Variants in ZBP1 observed in about 807,000 individuals in gnomAD.
ZBP1 encodes the protein Z-DNA-binding protein 1.
Under a neutral mutation model 41.1 loss-of-function variants are expected in ZBP1, and 42 were observed. The observed-to-expected ratio is 1.02, with a 90% CI of 0.80 to 1.32. The LOEUF (loss-of-function observed/expected upper bound fraction) is 1.32. Among genes scored for constraint, ZBP1 ranks in the 40% most tolerant of loss-of-function variants. ZBP1 has a pLI of 0.00. For synonymous variants in ZBP1, 214 were observed against 205.2 expected (o/e 1.04, Z -0.37); for missense variants, 562 against 549.7 (o/e 1.02, Z -0.22).
intron 2 of ZBP1, 47 bp downstream of exon 2, chr20:57,616,197 G>C (rs2070819648): frequency 1.3e-6 from 2 of 1,569,404 alleles, no homozygotes; most frequent in Non-Finnish European, 1.8e-6. Context: ...TCCATTGCCA[G>C]GATGCTCCCT....
At chr20:57,620,182 C>T (rs912416470) in intron 1 of ZBP1, 80 bp downstream of exon 1, 1 of 1,502,776 alleles carries the variant, frequency 6.7e-7, no homozygotes, top group Non-Finnish European at 9.1e-7. Flanking sequence ...TGATCTGGAC[C>T]AAGCGAAACA....
At position 57,610,257 on chromosome 20, in the gene ZBP1, G is replaced by A. The variant is rs1270822153; in HGVS notation, c.985C>T (p.Leu329Phe). Residue 329 changes from leucine (L) to phenylalanine (F), a missense_variant, in exon 7 of 8, where the codon CTC (leucine) becomes TTC (phenylalanine). Leu to Phe is a conservative substitution (Grantham distance 22). Coordinates refer to ENST00000371173, the MANE Select transcript of ZBP1 (RefSeq NM_030776.3). This position sits in a 1 kb window ranked among gnomAD's most constrained non-coding sequence, Gnocchi z 5.5. Reference protein sequence around the residue: ...AQRIHMKSCFLEDATIGNSNK... With the variant: ...AQRIHMKSCFFEDATIGNSNK... ...CTGTTGCCGATGGTGGCGTCCTCGA[G>A]AAAGCACGATTTCATGTGGATTCTC... 4.3e-6 allele frequency: 7 copies of A among 1,614,084 alleles called. No homozygotes were observed. Among genetic ancestry groups the A allele is most frequent in the Non-Finnish European group, 5.1e-6 (6 of 1,180,034 alleles).
At chr20:57,608,635 C>T (rs2070557786) in intron 7 of ZBP1, among the ~76,000 whole-genome samples, 1 of 152,252 alleles carries the variant, frequency 6.6e-6, no homozygotes, top group African/African-American at 2.4e-5. Context: ...TCCATGCTCC[C>T]AGATGCTCAT....
chr20:57,605,985 A>T (rs113110915), intron 7 of ZBP1, among the ~76,000 whole-genome samples: 1 of 152,168 alleles, frequency 6.6e-6, no homozygotes, highest in Non-Finnish European at 1.5e-5. Flanking sequence ...TCTATGTGCT[A>T]AAGTGAAAGG....
Position 57,614,922 on chromosome 20 carries a change from TC to T in ZBP1, c.466del (p.Asp156MetfsTer33), listed in dbSNP as rs1454397457. The T allele has an allele frequency of 6.2e-7, 1 of 1,614,090 alleles. No individual in the cohort carries two copies. The highest frequency in any genetic ancestry group is 8.5e-7 in the Non-Finnish European group (1 of 1,180,046). ...AATCGTCCATGCTTTGGACTGCTCA[TC>T]CATGTCCAGAAGGTGCCTGCTCTTC... The part of the protein sequence containing the change: ...RMKSRHLLDM[D>X]EQSKAWTIYR... On this transcript the variant is annotated frameshift_variant, in exon 4 of 8. Transcript: ENST00000371173. LOFTEE classifies it high-confidence loss of function.
rs1227359316 is a variant in ZBP1 at position 57,613,992 on chromosome 20, A to G, written c.503-662T>C. ...CCCCATACACAAATATTTAAATTAC[A>G]TTGTATAGCAAGGATAACCCAGGCT... On this transcript the variant is annotated intron_variant, in intron 4 of 7. Transcript: ENST00000371173. This position sits in a 1 kb window ranked among gnomAD's most constrained non-coding sequence, Gnocchi z 4.5. Among the ~76,000 whole-genome samples the G allele has an allele frequency of 6.6e-6, 1 of 152,132 alleles. No homozygotes were observed. The highest frequency in any genetic ancestry group is 2.4e-5 in the African/African-American group (1 of 41,424).
Position 57,613,343 on chromosome 20 carries a change from A to T in ZBP1, c.503-13T>A. ...CTTCCAGAATCTTCTGCAAAATAAT[A>T]TTCAACTGTATCCCTTTGCCACTGT... On this transcript the variant is annotated splice_polypyrimidine_tract_variant and intron_variant, in intron 4 of 7. Transcript: ENST00000371173. This position sits in a 1 kb window ranked among gnomAD's most constrained non-coding sequence, Gnocchi z 4.5. 2 of 1,610,164 alleles carry T rather than the reference A, an allele frequency of 1.2e-6. No homozygotes were observed. The highest frequency in any genetic ancestry group is 1.7e-6 in the Non-Finnish European group (2 of 1,179,688).
At chr20:57,608,240 G>A (rs981362818) in intron 7 of ZBP1, among the ~76,000 whole-genome samples, 3 of 152,036 alleles carry the variant, frequency 2.0e-5, no homozygotes, top group African/African-American at 4.8e-5. Flanking sequence ...TCCTGCCTCA[G>A]CCTCCTGAGT....
At position 57,611,888 on chromosome 20, in the gene ZBP1, T is replaced by C. The variant is rs1363153312; in HGVS notation, c.713A>G (p.Asp238Gly). The change falls in exon 6 of 8, where the codon GAT becomes GGT. Residue 238 changes from aspartate to glycine, a missense_variant. By Grantham distance (94) the Asp-to-Gly change is moderately conservative (BLOSUM62 -1). Coordinates refer to ENST00000371173, the MANE Select transcript of ZBP1 (RefSeq NM_030776.3). ...AACTAGGGTCCCCCAAGTTGAGGAA[T>C]CACCTGGTGCCATTGAAGGGAGGTG... The part of the protein sequence containing the change: ...PRHLPSMAPG[D>G]SSTWGTLVDP... 2 of 1,573,360 alleles carry C rather than the reference T, an allele frequency of 1.3e-6. No individual in the cohort carries two copies. The highest frequency in any genetic ancestry group is 3.7e-5 in the Admixed American group (2 of 53,382).
At chr20:57,608,474 C>T (rs1486230631) in intron 7 of ZBP1, among the ~76,000 whole-genome samples, 3 of 152,202 alleles carry the variant, frequency 2.0e-5, no homozygotes, top group Admixed American at 2.0e-4. Flanking sequence ...AAAGAGAAGT[C>T]TTCAATGGTC....
intron 1 of ZBP1, 48 bp from the exon 2 acceptor site, chr20:57,616,516 C>T: frequency 6.2e-7 from 1 of 1,602,796 alleles, no homozygotes. Flanking sequence ...TCTCCCAGGT[C>T]CCCACAGTTG....
At position 57,616,026 on chromosome 20, in the gene ZBP1, G is replaced by A. The variant is rs1182413818; in HGVS notation, c.259+218C>T. ...CAGAGTACCTCCTGTGTGCAGGGCT[G>A]GGCTGAGCCTGACGCAGGGCCTCCT... is the stretch of plus-strand genomic sequence containing the variant. On this transcript the variant is annotated intron_variant, in intron 2 of 7. Coordinates refer to ENST00000371173, the MANE Select transcript of ZBP1 (RefSeq NM_030776.3). The A allele has an allele frequency of 5.0e-6, 3 of 601,914 alleles. No homozygotes were observed. In the East Asian group the frequency reaches 8.3e-5, roughly 17 times the overall value. 37.3% of individuals were successfully genotyped at this position (601,914 alleles called of 1,614,324 possible).
Position 57,618,707 on chromosome 20 carries a change from A to G in ZBP1, c.34+1555T>C, listed in dbSNP as rs144937708. 2.4e-3 allele frequency among the ~76,000 whole-genome samples: 361 copies of G among 152,194 alleles called. 4 individuals carry two copies. Among genetic ancestry groups the G allele is most frequent in the African/African-American group, 8.2e-3 (341 of 41,526 alleles). ...AGCAATTCTCTTGCCTCAGTCTCTCAAGTAGCTGAGATTACAGGCACGCAC... is the reference window on the plus strand; with the variant it reads ...AGCAATTCTCTTGCCTCAGTCTCTCGAGTAGCTGAGATTACAGGCACGCAC... On this transcript the variant is annotated intron_variant, in intron 1 of 7. Transcript: ENST00000371173.
chr20:57,616,715 A>G (rs2146594396), intron 1 of ZBP1: 1 of 538,002 alleles, frequency 1.9e-6, no homozygotes, highest in Non-Finnish European at 3.3e-6. Flanking sequence ...GGGAGGTGCC[A>G]CCTCGCCTGT....
intron 2 of ZBP1, chr20:57,615,968 T>C (rs1044888675): frequency 1.8e-6 from 1 of 558,302 alleles, no homozygotes; most frequent in Non-Finnish European, 3.2e-6. Flanking sequence ...GTCTCCATCA[T>C]GATGATTTTC....
In ZBP1 at chr20:57,604,719, C is replaced by G. The variant is rs1247362759; in HGVS notation, c.1144G>C (p.Gly382Arg). 6.2e-7 allele frequency: 1 copy of G among 1,614,020 alleles called. No individual in the cohort carries two copies. Among genetic ancestry groups the G allele is most frequent in the African/African-American group, 1.3e-5 (1 of 74,904 alleles). ...GAGTGGCTGGGAGTGATGGGCTGAC[C>G]AATGTCTCGAGGAAAGTGACTTCTG... The part of the protein sequence containing the change: ...QSRSHFPRDI[G>R]QPITPSHSKL... Residue 382 changes from glycine (G) to arginine (R), a missense_variant, in exon 8 of 8, where the codon GGT becomes CGT. Physicochemically the swap from Gly to Arg is moderately radical, Grantham distance 125. Coordinates refer to ENST00000371173, the MANE Select transcript of ZBP1 (RefSeq NM_030776.3).
At chr20:57,607,406 T>C in intron 7 of ZBP1, 3 of 1,184,832 alleles carry the variant, frequency 2.5e-6, no homozygotes, top group Non-Finnish European at 3.2e-6. Context: ...GATGAGTTGC[T>C]TCTTATGGAT....
At chr20:57,618,332 C>A (rs2146599773) in intron 1 of ZBP1, among the ~76,000 whole-genome samples, 1 of 152,366 alleles carries the variant, frequency 6.6e-6, no homozygotes, top group East Asian at 1.9e-4. Flanking sequence ...TCTGGGCTTT[C>A]TTTCCTGTTC....
At chr20:57,614,280 C>T (rs567567261) in intron 4 of ZBP1, among the ~76,000 whole-genome samples, 1 of 152,324 alleles carries the variant, frequency 6.6e-6, no homozygotes, top group African/African-American at 2.4e-5. Flanking sequence ...ATCTGCCCGC[C>T]TCAGCCTCCC....
Sources: allele counts gnomAD v4.1 joint callset (sites outside exome capture counted in the v4.1 genomes callset), GRCh38; gene constraint gnomAD v4.1.1; non-coding constraint Gnocchi (gnomAD v3.1); transcripts MANE v1.5; gene names NCBI Gene and HGNC (gene_info 2026-07-23, HGNC 2026-07-21).